Variants in WDFY1 observed in about 807,000 individuals in gnomAD.
The protein encoded by WDFY1 is WD repeat and FYVE domain-containing protein 1.
A neutral mutation model predicts 56.4 loss-of-function variants in WDFY1; 32 were observed. The observed-to-expected ratio is 0.57, with a 90% CI of 0.43 to 0.76. The LOEUF is 0.76. Among genes scored for constraint, WDFY1 ranks in the 30% least tolerant of loss-of-function variants. The pLI is 0.00. For synonymous variants in WDFY1, 192 were observed against 197.3 expected (o/e 0.97, Z 0.23); for missense variants, 480 against 545.7 (o/e 0.88, Z 1.20).
In WDFY1 at chr2:223,885,843, T is replaced by C. The variant is rs114991006; in HGVS notation, c.832-1094A>G. Among the ~76,000 whole-genome samples, 435 of 152,152 alleles carry C rather than the reference T, an allele frequency of 2.9e-3. 4 individuals are homozygous for C. Among genetic ancestry groups the C allele is most frequent in the African/African-American group, 0.01 (420 of 41,514 alleles). On this transcript the variant is annotated intron_variant, in intron 8 of 11. Coordinates refer to ENST00000233055, the MANE Select transcript of WDFY1 (RefSeq NM_020830.5). ...CCAGCCACAGCAGCACGTCCCTCCC[T>C]CCTGGGGCCACACAGGCATCCTGCA...
At chr2:223,933,998 A>G (rs1694125687) in intron 1 of WDFY1, among the ~76,000 whole-genome samples, 1 of 146,138 alleles carries the variant, frequency 6.8e-6, no homozygotes, top group East Asian at 2.0e-4. Context: ...AACCCTATCC[A>G]TGGCCTAGAA....
rs35020883 is a variant in WDFY1, at chr2:223,925,215, T to TA, written c.138-7206dup. On this transcript the variant is annotated intron_variant, in intron 1 of 11. Coordinates refer to ENST00000233055, the MANE Select transcript of WDFY1 (RefSeq NM_020830.5). ...ATGAAATGGTCAGCTTTTTTGTTCC[T>TA]AAAAAAAAAAAAAAAAAGCATAACA... Among the ~76,000 whole-genome samples, 433 of 139,688 alleles carry TA rather than the reference T, an allele frequency of 3.1e-3. 3 individuals carry two copies. The highest frequency in any genetic ancestry group is 0.01 in the African/African-American group (385 of 37,420). 91.6% of individuals were successfully genotyped at this position (139,688 alleles called of 152,430 possible).
chr2:223,917,405 AT>A (rs35733143), intron 2 of WDFY1, among the ~76,000 whole-genome samples: 1 of 150,622 alleles, frequency 6.6e-6, no homozygotes, highest in Admixed American at 6.6e-5. Context: ...TCATTTTCCT[AT>A]TTTTTTTTCA....
chr2:223,899,998 A>G (rs1490216960), intron 5 of WDFY1, among the ~76,000 whole-genome samples: 1 of 152,232 alleles, frequency 6.6e-6, no homozygotes, highest in African/African-American at 2.4e-5. Flanking sequence ...TGGCGGTAGT[A>G]CATTTAAATT....
chr2:223,930,721 C>A (rs530173842), intron 1 of WDFY1, among the ~76,000 whole-genome samples: 5 of 152,342 alleles, frequency 3.3e-5, no homozygotes, highest in African/African-American at 1.2e-4. Context: ...TGCTCTCACT[C>A]TGTGTCTTGG....
intron 2 of WDFY1, among the ~76,000 whole-genome samples, chr2:223,913,629 C>T (rs570822491): frequency 1.3e-5 from 2 of 152,232 alleles, no homozygotes; most frequent in African/African-American, 4.8e-5. Context: ...TCAAATCATG[C>T]TTTGATGCGT....
At chr2:223,891,008 GA>G (rs1693265425) in intron 8 of WDFY1, among the ~76,000 whole-genome samples, 1 of 152,142 alleles carries the variant, frequency 6.6e-6, no homozygotes, top group Non-Finnish European at 1.5e-5. Flanking sequence ...GACTTGGAGA[GA>G]AATTCCAGGC....
intron 3 of WDFY1, 113 bp downstream of exon 3, chr2:223,912,140 C>T: frequency 2.7e-6 from 3 of 1,113,522 alleles, no homozygotes; most frequent in South Asian, 3.2e-5. Flanking sequence ...TCATGCCAAA[C>T]AATCGAGCAT....
chr2:223,910,568 T>C (rs1347889517), intron 3 of WDFY1, among the ~76,000 whole-genome samples: 1 of 151,256 alleles, frequency 6.6e-6, no homozygotes, highest in Non-Finnish European at 1.5e-5. Flanking sequence ...AATTAAAAAA[T>C]ACTCTATTAA....
chr2:223,899,165 T>G, intron 5 of WDFY1, 95 bp from the exon 6 acceptor site: 1 of 958,498 alleles, frequency 1.0e-6, no homozygotes, highest in Non-Finnish European at 1.7e-6. Context: ...TTTTCAAAGT[T>G]AGAAAACATG....
At chr2:223,944,241 C>G (rs1689363019) in intron 1 of WDFY1, among the ~76,000 whole-genome samples, 1 of 152,212 alleles carries the variant, frequency 6.6e-6, no homozygotes, top group Non-Finnish European at 1.5e-5. Flanking sequence ...AAGAAGCAAG[C>G]CCCGGGCACC....
intron 1 of WDFY1, among the ~76,000 whole-genome samples, chr2:223,922,771 A>T (rs962395985): frequency 6.6e-6 from 1 of 152,172 alleles, no homozygotes; most frequent in African/African-American, 2.4e-5. Context: ...GGAGGAGAAA[A>T]TCTTAAAGGT....
intron 3 of WDFY1, among the ~76,000 whole-genome samples, chr2:223,911,569 CACACACACACACACACACACA>C (rs1693701905): frequency 8.2e-4 from 15 of 18,358 alleles, no homozygotes; most frequent in Middle Eastern, 0.021. Context: ...TGAATGACCA[CACACACACACACACACACACA>C]CACACACACA....
intron 2 of WDFY1, among the ~76,000 whole-genome samples, chr2:223,917,585 T>A (rs1280097815): frequency 6.6e-6 from 1 of 152,182 alleles, no homozygotes; most frequent in African/African-American, 2.4e-5. Flanking sequence ...TTACTTATTT[T>A]TTTTTTGAGA....
chr2:223,929,189 G>GTTTT (rs566936287), intron 1 of WDFY1, among the ~76,000 whole-genome samples: 1 of 28,920 alleles, frequency 3.5e-5, no homozygotes, highest in African/African-American at 5.9e-5. Context: ...TCTGTTTTTT[G>GTTTT]TTTTTTTTTT....
intron 11 of WDFY1, 127 bp from the exon 12 acceptor site, chr2:223,878,857 C>T (rs1014306720): frequency 3.2e-5 from 39 of 1,211,860 alleles, no homozygotes; most frequent in Admixed American, 6.8e-5. Flanking sequence ...TTCTCATTCT[C>T]CTCTTTCATA....
intron 5 of WDFY1, 167 bp downstream of exon 5, chr2:223,901,016 T>A: frequency 2.4e-6 from 2 of 820,906 alleles, no homozygotes; most frequent in Non-Finnish European, 3.5e-6. Flanking sequence ...GTAATTGCAA[T>A]TTTTGCAATT....
At chr2:223,897,184 A>G (rs191020763) in intron 6 of WDFY1, among the ~76,000 whole-genome samples, 47 of 151,932 alleles carry the variant, frequency 3.1e-4, no homozygotes, top group Admixed American at 7.9e-4. Context: ...AAATAAGTCC[A>G]TCATTGATTC....
chr2:223,890,514 CT>C (rs1693251227), intron 8 of WDFY1, among the ~76,000 whole-genome samples: 1 of 152,274 alleles, frequency 6.6e-6, no homozygotes, highest in East Asian at 1.9e-4. Context: ...AGAGATACCC[CT>C]AACTTTATTT....
Sources: gnomAD v4.1 joint callset for allele counts (sites outside exome capture counted in the v4.1 genomes callset) on GRCh38, gnomAD v4.1.1 for gene constraint, MANE v1.5 for transcripts, NCBI Gene and HGNC (gene_info 2026-07-23, HGNC 2026-07-21) for gene names.